The following DEPDC5 variants were observed in gnomAD, a reference collection of about 807,000 sequenced individuals.
DEPDC5 encodes the protein DEP domain containing 5, GATOR1 subcomplex subunit.
A neutral mutation model predicts 217.3 loss-of-function variants in DEPDC5; 73 were observed. That is an observed-to-expected ratio of 0.34 (90% CI 0.28 to 0.41). DEPDC5 has a LOEUF of 0.41. Among genes scored for constraint, DEPDC5 ranks in the 10% least tolerant of loss-of-function variants. The pLI, the probability that DEPDC5 is intolerant of heterozygous loss-of-function variation, is 1.00. For missense variants in DEPDC5, 1,675 were observed against 2,070.1 expected, an observed-to-expected ratio of 0.81 and a Z score of 3.70; for synonymous variants, 733 against 756.7, an observed-to-expected ratio of 0.97 and a Z score of 0.51.
chr22:31,777,578 C>T (rs1569516757), intron 7 of DEPDC5, among the ~76,000 whole-genome samples: 1 of 150,702 alleles, frequency 6.6e-6, no homozygotes, highest in Non-Finnish European at 1.5e-5. Context: ...CTTCTTTAGA[C>T]CTATATGTGG....
chr22:31,783,418 C>G (rs1057110834), intron 8 of DEPDC5, among the ~76,000 whole-genome samples: 62 of 152,272 alleles, frequency 4.1e-4, no homozygotes, highest in Admixed American at 3.0e-3. Context: ...GAAGGAACCA[C>G]CTCCGGACAC....
chr22:31,822,757 C>G lies in DEPDC5; in HGVS notation c.2071C>G (p.Leu691Val). The change falls in exon 24 of 43, where the codon CTT (leucine) becomes GTT (valine). Residue 691 changes from leucine (L) to valine (V), a missense_variant. Around this residue, in one of 11 missense-constraint regions of DEPDC5, gnomAD observed 136 missense variants for 132.2 expected, o/e 1.03. Coordinates refer to ENST00000651528, the MANE Select transcript of DEPDC5 (RefSeq NM_001242896.3). ...CTTGAACTTCAGTGGAACAGAGGAG[C>G]TTTCTGTCGGCCTGCTTAGCAACAG... is the stretch of plus-strand genomic sequence containing the variant. ...SFLNFSGTEE[L>V]SVGLLSNSGA... is the part of the protein sequence containing the mutation. The G allele has an allele frequency of 6.2e-7, 1 of 1,614,096 alleles. No individual in the cohort carries two copies. Among genetic ancestry groups the G allele is most frequent in the South Asian group, 1.1e-5 (1 of 91,062 alleles).
intron 31 of DEPDC5, among the ~76,000 whole-genome samples, chr22:31,854,479 A>G (rs1012657090): frequency 6.6e-6 from 1 of 152,236 alleles, no homozygotes; most frequent in African/African-American, 2.4e-5. Context: ...CCTGTGAATT[A>G]CACCTTAGAG....
chr22:31,812,881 C>G (rs1363571591), intron 20 of DEPDC5, among the ~76,000 whole-genome samples: 2 of 151,692 alleles, frequency 1.3e-5, no homozygotes, highest in African/African-American at 2.4e-5. Flanking sequence ...GCTGGGATTA[C>G]AAACATGCGC....
intron 32 of DEPDC5, among the ~76,000 whole-genome samples, chr22:31,859,333 C>T (rs989974957): frequency 4.6e-5 from 7 of 150,924 alleles, no homozygotes; most frequent in East Asian, 3.9e-4. Context: ...CCTCGTGATC[C>T]GCCTGCCTCT....
chr22:31,759,001 CAA>C (rs1281890214), intron 3 of DEPDC5, among the ~76,000 whole-genome samples: 1 of 152,066 alleles, frequency 6.6e-6, no homozygotes, highest in Non-Finnish European at 1.5e-5. Context: ...CTCCCAGCCC[CAA>C]GTGATTGTCC....
chr22:31,787,810 T>C (rs2148452301), intron 10 of DEPDC5, among the ~76,000 whole-genome samples: 1 of 146,614 alleles, frequency 6.8e-6, no homozygotes, highest in East Asian at 2.0e-4. Flanking sequence ...AGACCCTGTC[T>C]CTTTAAAAAA....
chr22:31,824,653 T>TA (rs760388373), intron 24 of DEPDC5, among the ~76,000 whole-genome samples: 21 of 152,180 alleles, frequency 1.4e-4, no homozygotes, highest in Non-Finnish European at 2.6e-4. Flanking sequence ...CTGAAAATGT[T>TA]ACCTCTGGCT....
Position 31,870,715 on chromosome 22 carries a change from C to A in DEPDC5, c.3456C>A (p.Gly1152=), listed in dbSNP as rs757188110. 1.9e-6 allele frequency: 3 copies of A among 1,589,300 alleles called. No individual in the cohort carries two copies. Among genetic ancestry groups the A allele is most frequent in the Non-Finnish European group, 2.6e-6 (3 of 1,169,728 alleles). Residue 1152 remains glycine (G), a synonymous_variant, in exon 34 of 43, where the codon GGC becomes GGA. Transcript: ENST00000651528. ...ACTCCCAGAACATAGGAGAACAGGG[C>A]TACTCCTCCACAAACTCCAGTGACA... ...FGNSQNIGEQ[G]YSSTNSSDSS... is the part of the protein sequence containing the mutation.
At chr22:31,836,883 A>G in intron 25 of DEPDC5, 89 bp from the exon 26 acceptor site, 1 of 1,155,982 alleles carries the variant, frequency 8.7e-7, no homozygotes, top group Non-Finnish European at 1.2e-6. Flanking sequence ...TTTTTTCCCC[A>G]CTCTTCCCTC....
chr22:31,859,335 C>T (rs183850595), intron 32 of DEPDC5, among the ~76,000 whole-genome samples: 120 of 151,304 alleles, frequency 7.9e-4, no homozygotes, highest in Non-Finnish European at 1.5e-3. Flanking sequence ...TCGTGATCCG[C>T]CTGCCTCTGT....
chr22:31,837,385 C>G (rs1176806029), intron 26 of DEPDC5: 7 of 564,554 alleles, frequency 1.2e-5, no homozygotes, highest in Non-Finnish European at 2.1e-5. Flanking sequence ...GGGTCTCACT[C>G]TGTCGCTCGG....
chr22:31,864,520 A>ATT (rs2092624974), intron 33 of DEPDC5, among the ~76,000 whole-genome samples: 13 of 133,350 alleles, frequency 9.7e-5, no homozygotes, highest in Non-Finnish European at 1.6e-4. Context: ...ATATATATAT[A>ATT]TATATTTATA....
chr22:31,779,645 A>G (rs1235725586), intron 8 of DEPDC5, among the ~76,000 whole-genome samples: 1 of 152,128 alleles, frequency 6.6e-6, no homozygotes, highest in African/African-American at 2.4e-5. Flanking sequence ...AGAGATCACT[A>G]CTCATTCAGT....
intron 7 of DEPDC5, among the ~76,000 whole-genome samples, chr22:31,774,883 A>G (rs1017635816): frequency 6.6e-6 from 1 of 151,858 alleles, no homozygotes; most frequent in Non-Finnish European, 1.5e-5. Flanking sequence ...CGGCCTCCCA[A>G]GGTGCTAGGA....
chr22:31,873,482 T>A, intron 35 of DEPDC5, 150 bp downstream of exon 35: 1 of 733,862 alleles, frequency 1.4e-6, no homozygotes, highest in Non-Finnish European at 2.1e-6. Context: ...TCTCTGAGCC[T>A]CTGTTTCCTT....
chr22:31,800,987 CTT>C (rs772458096), intron 14 of DEPDC5, among the ~76,000 whole-genome samples: 3 of 141,112 alleles, frequency 2.1e-5, no homozygotes, highest in African/African-American at 2.6e-5. Context: ...AAAAAAAATT[CTT>C]TTTTTTTTTT....
At chr22:31,770,360 A>C (rs62238895) in intron 7 of DEPDC5, among the ~76,000 whole-genome samples, 15,215 of 151,814 alleles carry the variant, frequency 0.1, 836 homozygotes, top group Admixed American at 0.14. Flanking sequence ...GTGTACACAC[A>C]ATCATATTTA....
chr22:31,881,944 T>G (rs549780919), intron 38 of DEPDC5, among the ~76,000 whole-genome samples: 11 of 141,070 alleles, frequency 7.8e-5, no homozygotes, highest in African/African-American at 2.4e-4. Flanking sequence ...TCAAAAGTGA[T>G]GGAGTGAGAC....
Sources: gnomAD v4.1 joint callset for allele counts (sites outside exome capture counted in the v4.1 genomes callset) on GRCh38, gnomAD v4.1.1 for gene constraint, gnomAD v4.1.1 regional missense constraint, MANE v1.5 for transcripts, NCBI Gene and HGNC (gene_info 2026-07-23, HGNC 2026-07-21) for gene names.